CALN1: variants seen among roughly 807,000 people sequenced by gnomAD.
CALN1 encodes the protein calcium-binding protein 8.
Under a neutral mutation model 30.6 loss-of-function variants are expected in CALN1, and 17 were observed. That is an observed-to-expected ratio of 0.56 (90% CI 0.38 to 0.83). The LOEUF is 0.83. CALN1 is among the 40% of genes least tolerant of loss of function. The probability of loss-of-function intolerance (pLI) is 0.00; values close to 1 mark genes in which losing one functional copy is unlikely to be tolerated. For synonymous variants in CALN1, 156 were observed against 131.4 expected, an observed-to-expected ratio of 1.19 and a Z score of -1.28; for missense variants, 291 against 354.9, an observed-to-expected ratio of 0.82 and a Z score of 1.45.
intron 4 of CALN1, among the ~76,000 whole-genome samples, chr7:72,066,390 A>G (rs752346199): frequency 6.6e-6 from 1 of 152,148 alleles, no homozygotes; most frequent in Non-Finnish European, 1.5e-5. Flanking sequence ...ATATTTTTCT[A>G]TCTTAACCAC....
chr7:72,107,310 G>A (rs965513120), intron 3 of CALN1, among the ~76,000 whole-genome samples: 2 of 152,212 alleles, frequency 1.3e-5, no homozygotes, highest in African/African-American at 2.4e-5. Flanking sequence ...AGCCTCATAG[G>A]AGGAGAAGAG....
At chr7:72,076,611 C>CAAAAAAAAAAAAAAA (rs572245834) in intron 4 of CALN1, among the ~76,000 whole-genome samples, 92 of 6,126 alleles carry the variant, frequency 0.015, 45 homozygotes, top group South Asian at 0.023. Context: ...AAAAAAAAAG[C>CAAAAAAAAAAAAAAA]AAAAAAAAAA....
At chr7:72,058,621 C>A (rs1803438686) in intron 4 of CALN1, among the ~76,000 whole-genome samples, 1 of 152,086 alleles carries the variant, frequency 6.6e-6, no homozygotes, top group Non-Finnish European at 1.5e-5. Flanking sequence ...GCCTGGTCAA[C>A]AAGCTGGAAT....
intron 2 of CALN1, among the ~76,000 whole-genome samples, chr7:72,389,672 C>A: frequency 6.6e-6 from 1 of 152,166 alleles, no homozygotes; most frequent in East Asian, 1.9e-4. Context: ...GTAATCCCAA[C>A]ACTTTGGGAG....
chr7:72,092,193 G>C (rs1805909794), intron 4 of CALN1, among the ~76,000 whole-genome samples: 2 of 152,072 alleles, frequency 1.3e-5, no homozygotes, highest in Non-Finnish European at 2.9e-5. Flanking sequence ...CTGTTCATGA[G>C]ATTGAAAGGT....
chr7:72,313,416 G>C (rs1800199573), intron 2 of CALN1, among the ~76,000 whole-genome samples: 1 of 152,050 alleles, frequency 6.6e-6, no homozygotes, highest in Non-Finnish European at 1.5e-5. Flanking sequence ...CTTTGAGACA[G>C]AGTATCACTG....
At chr7:71,837,704 C>T (rs1285478250) in intron 5 of CALN1, among the ~76,000 whole-genome samples, 1 of 152,110 alleles carries the variant, frequency 6.6e-6, no homozygotes, top group Non-Finnish European at 1.5e-5. Context: ...GGGGGTAAAA[C>T]AGGGTCTTAA....
intron 5 of CALN1, among the ~76,000 whole-genome samples, chr7:71,952,095 C>T (rs1562930829): frequency 6.6e-6 from 1 of 152,180 alleles, no homozygotes; most frequent in South Asian, 2.1e-4. Flanking sequence ...GAAACAGTTG[C>T]TAGCTGAAGT....
chr7:71,990,216 T>C (rs1798875657), intron 5 of CALN1, among the ~76,000 whole-genome samples: 1 of 152,102 alleles, frequency 6.6e-6, no homozygotes, highest in Non-Finnish European at 1.5e-5. Flanking sequence ...CATATGCTAA[T>C]TATAATAGAT....
At chr7:72,457,057 G>A in the CALN1 span, among the ~76,000 whole-genome samples, 30 of 134,054 alleles carry the variant, frequency 2.2e-4, no homozygotes, top group Admixed American at 1.8e-3. Flanking sequence ...TGCTCAGGCT[G>A]GAGTGCAGTG....
intron 4 of CALN1, among the ~76,000 whole-genome samples, chr7:72,026,478 C>T (rs540314475): frequency 2.0e-5 from 3 of 152,076 alleles, no homozygotes; most frequent in East Asian, 2.0e-4. Context: ...CCCAGCGATT[C>T]GGGAGGCTGA....
intron 5 of CALN1, among the ~76,000 whole-genome samples, chr7:71,947,308 G>A (rs981587042): frequency 6.6e-6 from 1 of 152,122 alleles, no homozygotes; most frequent in Non-Finnish European, 1.5e-5. Flanking sequence ...ACTGCGCCCC[G>A]CCAGTGGGAG....
the CALN1 span, among the ~76,000 whole-genome samples, chr7:72,490,313 ACT>A: frequency 1.3e-5 from 2 of 152,174 alleles, no homozygotes; most frequent in Non-Finnish European, 2.9e-5. Context: ...AAACAAAAAC[ACT>A]GTGTGGACAA....
chr7:71,973,598 G>A (rs777254437), intron 5 of CALN1, among the ~76,000 whole-genome samples: 8 of 152,206 alleles, frequency 5.3e-5, no homozygotes, highest in Non-Finnish European at 5.9e-5. Flanking sequence ...GAGCAGAAAT[G>A]TGTCTTCTCC....
intron 5 of CALN1, among the ~76,000 whole-genome samples, chr7:71,926,146 G>A (rs76018141): frequency 3.9e-5 from 6 of 151,954 alleles, no homozygotes; most frequent in Non-Finnish European, 8.8e-5. Context: ...CCACATGCTC[G>A]GGCTCCCTAA....
intron 5 of CALN1, among the ~76,000 whole-genome samples, chr7:71,940,421 T>C (rs1453328148): frequency 6.6e-6 from 1 of 152,188 alleles, no homozygotes; most frequent in African/African-American, 2.4e-5. Flanking sequence ...TCCACCTTTA[T>C]ACTTGTTACA....
At chr7:71,797,967 C>T (rs1049533891) in intron 6 of CALN1, among the ~76,000 whole-genome samples, 1 of 151,798 alleles carries the variant, frequency 6.6e-6, no homozygotes, top group Non-Finnish European at 1.5e-5. Flanking sequence ...AATCTTGATA[C>T]CTTGTGAAGA....
At chr7:72,314,211 A>T (rs1449319837) in intron 2 of CALN1, among the ~76,000 whole-genome samples, 1 of 152,154 alleles carries the variant, frequency 6.6e-6, no homozygotes, top group Non-Finnish European at 1.5e-5. Context: ...GCAGAATTCC[A>T]GCAGCTGAGC....
chr7:72,310,013 T>C (rs1449753764), intron 2 of CALN1, among the ~76,000 whole-genome samples: 1 of 152,088 alleles, frequency 6.6e-6, no homozygotes, highest in Non-Finnish European at 1.5e-5. Context: ...CCCCCAGGGA[T>C]GCCCCCACAC....
Sources: allele counts gnomAD v4.1 joint callset (sites outside exome capture counted in the v4.1 genomes callset), GRCh38; gene constraint gnomAD v4.1.1; transcripts MANE v1.5; gene names NCBI Gene and HGNC (gene_info 2026-07-23, HGNC 2026-07-21).